The following GABPB1 variants were observed in gnomAD, a reference collection of about 807,000 sequenced individuals.
GABPB1 encodes GA binding protein transcription factor subunit beta 1, also known as GA-binding protein subunit beta-1.
In GABPB1, 15 loss-of-function variants were observed where a neutral mutation model predicts 45.9. That is an observed-to-expected ratio of 0.33 (90% CI 0.22 to 0.50). GABPB1 has a LOEUF of 0.50. Ranked by LOEUF, GABPB1 falls within the 20% of genes least tolerant of loss-of-function variation. GABPB1 has a pLI of 0.98. For synonymous variants in GABPB1, 143 were observed against 154.4 expected (o/e 0.93, Z 0.55); for missense variants, 252 against 457.5 (o/e 0.55, Z 4.10).
chr15:50,289,373 C>T, intron 7 of GABPB1, 110 bp downstream of exon 7: 1 of 702,208 alleles, frequency 1.4e-6, no homozygotes. Flanking sequence ...ACCACAATTT[C>T]CTGAGAATTA....
At chr15:50,348,262 A>C (rs544842870) in intron 1 of GABPB1, among the ~76,000 whole-genome samples, 146 of 152,102 alleles carry the variant, frequency 9.6e-4, no homozygotes, top group Middle Eastern at 3.4e-3. Context: ...TAGTTTTTTA[A>C]ATTTTTTTTG....
intron 1 of GABPB1, chr15:50,354,320 G>A: frequency 2.2e-6 from 1 of 447,438 alleles, no homozygotes; most frequent in Non-Finnish European, 4.5e-6. Context: ...CAGGACTCCA[G>A]TCCCCGCGGC....
At chr15:50,339,166 A>G (rs1483439767) in intron 1 of GABPB1, among the ~76,000 whole-genome samples, 3 of 152,128 alleles carry the variant, frequency 2.0e-5, no homozygotes, top group Non-Finnish European at 2.9e-5. Context: ...TAAAAATACA[A>G]AACTAGCCAG....
chr15:50,293,913 C>A (rs953796490), intron 6 of GABPB1, among the ~76,000 whole-genome samples: 1 of 152,054 alleles, frequency 6.6e-6, no homozygotes, highest in Non-Finnish European at 1.5e-5. Flanking sequence ...AATGTTGAAA[C>A]ACTAAAAGAG....
chr15:50,322,012 C>T (rs1567524017), intron 1 of GABPB1, among the ~76,000 whole-genome samples: 1 of 150,912 alleles, frequency 6.6e-6, no homozygotes, highest in Non-Finnish European at 1.5e-5. Context: ...GAGGTCAATT[C>T]GGTTTTCTAG....
In GABPB1 at chr15:50,277,215, G is replaced by A. The variant is rs1457989785; in HGVS notation, c.*1417C>T. ...TATGCAGTAGGATAACATTTTTAAT[G>A]TGTTAATAAGATGTGATAAAAACAT... On this transcript the variant is annotated 3_prime_UTR_variant, in exon 9 of 9. Transcript: ENST00000380877. 6.6e-6 allele frequency: 1 copy of A among 152,136 alleles called. No homozygotes were observed. The highest frequency in any genetic ancestry group is 6.5e-5 in the Admixed American group (1 of 15,284). 9.4% of individuals were successfully genotyped at this position (152,136 alleles called of 1,614,324 possible).
At chr15:50,308,537 GC>G (rs2047021521) in intron 2 of GABPB1, among the ~76,000 whole-genome samples, 1 of 152,168 alleles carries the variant, frequency 6.6e-6, no homozygotes, top group African/African-American at 2.4e-5. Flanking sequence ...CACTGAAGGT[GC>G]AGCTCTTTGG....
At chr15:50,314,882 A>T (rs750121697) in intron 1 of GABPB1, among the ~76,000 whole-genome samples, 1 of 152,238 alleles carries the variant, frequency 6.6e-6, no homozygotes, top group Non-Finnish European at 1.5e-5. Flanking sequence ...AATCATGTCA[A>T]TGCCACTTTG....
chr15:50,313,736 T>C (rs901538906), intron 1 of GABPB1, among the ~76,000 whole-genome samples: 1 of 152,084 alleles, frequency 6.6e-6, no homozygotes. Context: ...CGTCAAAATA[T>C]GCATATAAAG....
At chr15:50,292,466 T>C (rs1217552122) in intron 6 of GABPB1, among the ~76,000 whole-genome samples, 1 of 152,128 alleles carries the variant, frequency 6.6e-6, no homozygotes, top group East Asian at 1.9e-4. Context: ...CCACCAAAGA[T>C]TACTATTAGT....
chr15:50,301,072 T>C, intron 5 of GABPB1, 170 bp from the exon 6 acceptor site: 1 of 915,728 alleles, frequency 1.1e-6, no homozygotes, highest in Non-Finnish European at 1.7e-6. Context: ...GATTGTTTTG[T>C]CTCATAAAAA....
At chr15:50,347,154 C>T (rs1456393140) in intron 1 of GABPB1, among the ~76,000 whole-genome samples, 2 of 152,048 alleles carry the variant, frequency 1.3e-5, no homozygotes, top group Middle Eastern at 3.2e-3. Flanking sequence ...CTAATCACCT[C>T]CCAAAGGCCC....
chr15:50,333,521 C>T (rs763122733), intron 1 of GABPB1, among the ~76,000 whole-genome samples: 13 of 151,916 alleles, frequency 8.6e-5, no homozygotes, highest in Non-Finnish European at 1.6e-4. Context: ...AAATAACATT[C>T]CCAATTCCAC....
chr15:50,287,284 C>T (rs2046196543), intron 7 of GABPB1, among the ~76,000 whole-genome samples: 1 of 151,986 alleles, frequency 6.6e-6, no homozygotes, highest in African/African-American at 2.4e-5. Context: ...TTCTTCTTCC[C>T]TCTGCCCCAT....
intron 1 of GABPB1, among the ~76,000 whole-genome samples, chr15:50,333,165 C>T (rs1459879308): frequency 6.6e-6 from 1 of 152,142 alleles, no homozygotes; most frequent in Admixed American, 6.5e-5. Flanking sequence ...TTGGACAGCA[C>T]AGAAAAAGAA....
In GABPB1 at chr15:50,277,887, A is replaced by C. The variant is rs2045868083; in HGVS notation, c.*745T>G. 1.3e-5 allele frequency: 2 copies of C among 152,410 alleles called. No individual in the cohort carries two copies. Among genetic ancestry groups the C allele is most frequent in the South Asian group, 4.2e-4 (2 of 4,818 alleles). The allele number at this position is 152,410 out of a possible 1,614,324, so 9.4% of individuals were successfully genotyped here. On this transcript the variant is annotated 3_prime_UTR_variant, in exon 9 of 9. Transcript: ENST00000380877. ...CCGAGAACACTGTCATTCCAATAAA[A>C]CCAGCTGCCAGCTTACTTCGTTTCA...
At chr15:50,309,662 G>A (rs1257914265) in intron 2 of GABPB1, 29 bp downstream of exon 2, 3 of 1,315,884 alleles carry the variant, frequency 2.3e-6, no homozygotes, top group East Asian at 2.3e-5. Context: ...GAAGGAAAAA[G>A]AACACACAAT....
In GABPB1 at chr15:50,353,421, TG is replaced by T. The variant is rs201635084; in HGVS notation, c.-1+1563del. 1.7e-4 allele frequency: 26 copies of T among 152,156 alleles called. No individual in the cohort carries two copies. In the East Asian group the frequency reaches 3.9e-3, roughly 23 times the overall value. The allele number at this position is 152,156 out of a possible 1,614,324, so 9.4% of individuals were successfully genotyped here. On this transcript the variant is annotated intron_variant, in intron 1 of 8. Transcript: ENST00000380877. ...TTTTTAAAAAAGTATGAGTGTACAG[TG>T]GAGTGTTCCAGAGGTTACATGGTGT...
intron 1 of GABPB1, among the ~76,000 whole-genome samples, chr15:50,320,398 C>T (rs1358332621): frequency 6.6e-6 from 1 of 152,186 alleles, no homozygotes; most frequent in Non-Finnish European, 1.5e-5. Flanking sequence ...AAACTCCTGA[C>T]CTCAGGTGAT....
Sources: allele counts gnomAD v4.1 joint callset (sites outside exome capture counted in the v4.1 genomes callset), GRCh38; gene constraint gnomAD v4.1.1; transcripts MANE v1.5; gene names NCBI Gene and HGNC (gene_info 2026-07-23, HGNC 2026-07-21).